Variants in SYTL3 observed in about 807,000 individuals in gnomAD.
The protein encoded by SYTL3 is synaptotagmin-like protein 3.
SYTL3 carries 88 observed loss-of-function variants against 82.1 expected under a neutral mutation model. That is an observed-to-expected ratio of 1.07 (90% CI 0.90 to 1.28). The LOEUF is 1.28. Among genes scored for constraint, SYTL3 ranks in the 50% most tolerant of loss-of-function variants. The probability of loss-of-function intolerance (pLI) is 0.00; values close to 1 mark genes in which losing one functional copy is unlikely to be tolerated. For synonymous variants in SYTL3, 311 were observed against 289.4 expected, an observed-to-expected ratio of 1.07 and a Z score of -0.76; for missense variants, 831 against 757.6, an observed-to-expected ratio of 1.10 and a Z score of -1.14.
intron 6 of SYTL3, among the ~76,000 whole-genome samples, chr6:158,690,668 C>T (rs1779768213): frequency 6.6e-6 from 1 of 152,050 alleles, no homozygotes. Context: ...AGCGATAGTA[C>T]AAAAAATTTT....
intron 5 of SYTL3, among the ~76,000 whole-genome samples, chr6:158,674,785 A>AT (rs1777836752): frequency 6.6e-6 from 1 of 152,214 alleles, no homozygotes; most frequent in Non-Finnish European, 1.5e-5. Context: ...AACAGACGAC[A>AT]GACAGGGCAC....
chr6:158,722,588 G>A (rs867745277), intron 10 of SYTL3, among the ~76,000 whole-genome samples: 2 of 151,922 alleles, frequency 1.3e-5, no homozygotes, highest in East Asian at 1.9e-4. Flanking sequence ...CCTCTTCTGT[G>A]CATTCCACTG....
chr6:158,693,863 T>TCTTTTC (rs1367405136), intron 6 of SYTL3, among the ~76,000 whole-genome samples: 16 of 129,214 alleles, frequency 1.2e-4, no homozygotes, highest in Admixed American at 3.0e-4. Context: ...TTCTTTTTTT[T>TCTTTTC]TTTTTTTTTT....
Position 158,763,504 on chromosome 6 carries a change from G to A in SYTL3, c.1718G>A (p.Gly573Asp). ...CGCTTGCTTGGAGGAACCAGACTTGGTTCAAGTAAGTCTGAGACATTGAGC... is the reference window on the plus strand; with the variant it reads ...CGCTTGCTTGGAGGAACCAGACTTGATTCAAGTAAGTCTGAGACATTGAGC... Reference protein sequence around the residue: ...NDRLLGGTRLGSKGDTAVGGD... With the variant: ...NDRLLGGTRLDSKGDTAVGGD... The change falls in exon 17 of 18, where the codon GGT (glycine) becomes GAT (aspartate). Residue 573 changes from glycine (G) to aspartate (D), a missense_variant. Transcript: ENST00000611299. 5.0e-6 allele frequency: 8 copies of A among 1,613,684 alleles called. No homozygotes were observed. Among genetic ancestry groups the A allele is most frequent in the Non-Finnish European group, 6.8e-6 (8 of 1,179,644 alleles).
chr6:158,739,866 T>G (rs766877515), intron 11 of SYTL3, among the ~76,000 whole-genome samples: 3 of 152,136 alleles, frequency 2.0e-5, no homozygotes, highest in Non-Finnish European at 4.4e-5. Flanking sequence ...TCCTCTGTGC[T>G]TCACTCCAAA....
upstream of SYTL3, among the ~76,000 whole-genome samples, chr6:158,646,228 C>T (rs1414548765): frequency 1.3e-5 from 2 of 152,128 alleles, no homozygotes; most frequent in African/African-American, 4.8e-5. Context: ...GAAGTTTAGT[C>T]ATCCAAAGAC....
intron 11 of SYTL3, among the ~76,000 whole-genome samples, chr6:158,739,058 C>A (rs536526349): frequency 6.6e-6 from 1 of 152,208 alleles, no homozygotes; most frequent in Non-Finnish European, 1.5e-5. Flanking sequence ...AAGAAGGCGC[C>A]GTCTCTTCCT....
At chr6:158,707,084 C>T in intron 6 of SYTL3, 146 bp from the exon 7 acceptor site, 1 of 814,226 alleles carries the variant, frequency 1.2e-6, no homozygotes, top group Non-Finnish European at 1.9e-6. Flanking sequence ...AATTTTGGAA[C>T]ATTTCTATCA....
intron 12 of SYTL3, among the ~76,000 whole-genome samples, chr6:158,751,174 GCA>G (rs1482605409): frequency 6.6e-6 from 1 of 152,146 alleles, no homozygotes; most frequent in East Asian, 1.9e-4. Flanking sequence ...CTAAAGAAGG[GCA>G]CAGATAGAGG....
chr6:158,752,146 A>G (rs1233832879), intron 13 of SYTL3, 116 bp downstream of exon 13: 2 of 573,358 alleles, frequency 3.5e-6, no homozygotes, highest in Non-Finnish European at 5.9e-6. Context: ...TATAATACAG[A>G]CACCTATATG....
At chr6:158,701,114 T>G (rs1365427961) in intron 6 of SYTL3, among the ~76,000 whole-genome samples, 1 of 147,844 alleles carries the variant, frequency 6.8e-6, no homozygotes, top group African/African-American at 2.5e-5. Flanking sequence ...AGTCATGGAA[T>G]CCCTGTGAAT....
intron 6 of SYTL3, among the ~76,000 whole-genome samples, chr6:158,696,147 A>G (rs1780530338): frequency 6.6e-6 from 1 of 152,094 alleles, no homozygotes; most frequent in Non-Finnish European, 1.5e-5. Flanking sequence ...ATACTTCCCC[A>G]CTAGCAATGC....
chr6:158,726,078 T>A (rs1037657620), intron 11 of SYTL3: 3 of 491,924 alleles, frequency 6.1e-6, no homozygotes, highest in African/African-American at 3.9e-5. Flanking sequence ...TAGTGAAACA[T>A]TAGTTCTTTC....
chr6:158,751,744 AG>A (rs1009079321), intron 12 of SYTL3, among the ~76,000 whole-genome samples, 183 bp from the exon 13 acceptor site: 17 of 152,310 alleles, frequency 1.1e-4, no homozygotes, highest in Admixed American at 1.1e-3. Flanking sequence ...ATGGATCAGA[AG>A]CTGCCCACCC....
chr6:158,740,489 T>C (rs1786795917), intron 11 of SYTL3, among the ~76,000 whole-genome samples: 1 of 152,210 alleles, frequency 6.6e-6, no homozygotes, highest in Non-Finnish European at 1.5e-5. Flanking sequence ...CATGAGTCTA[T>C]TTTTATTGTG....
In SYTL3 at chr6:158,676,999, G is replaced by A. The variant is rs1401669511; in HGVS notation, c.330-5926G>A. Among the ~76,000 whole-genome samples the A allele has an allele frequency of 5.9e-5, 9 of 152,230 alleles. No individual in the cohort carries two copies. The South Asian group carries it at 6.2e-4, about 11-fold the overall frequency. ...CAACCATTGTGGAAGACAGTGTGGC[G>A]ATTCCTCAAGGATCTAGAACTAGAA... On this transcript the variant is annotated intron_variant, in intron 5 of 17. Coordinates refer to ENST00000611299, the MANE Select transcript of SYTL3 (RefSeq NM_001242394.2).
At chr6:158,720,740 A>T (rs1784011443) in intron 10 of SYTL3, among the ~76,000 whole-genome samples, 1 of 152,186 alleles carries the variant, frequency 6.6e-6, no homozygotes, top group African/African-American at 2.4e-5. Flanking sequence ...AGACAGCCCT[A>T]TGAAGTTGGT....
chr6:158,701,674 GTCAC>G (rs1438485578), intron 6 of SYTL3, among the ~76,000 whole-genome samples: 1 of 151,774 alleles, frequency 6.6e-6, no homozygotes, highest in Non-Finnish European at 1.5e-5. Context: ...GAGGCAGGTA[GTCAC>G]TCAAGCACCC....
intron 6 of SYTL3, among the ~76,000 whole-genome samples, chr6:158,702,930 G>A (rs1045422593): frequency 3.2e-4 from 48 of 152,102 alleles, no homozygotes; most frequent in South Asian, 1.9e-3. Context: ...CGAGGCGGAC[G>A]AATCACAAGG....
Sources: allele counts gnomAD v4.1 joint callset (sites outside exome capture counted in the v4.1 genomes callset), GRCh38; gene constraint gnomAD v4.1.1; transcripts MANE v1.5; gene names NCBI Gene and HGNC (gene_info 2026-07-23, HGNC 2026-07-21).